Variants in RCAN1 observed in about 807,000 individuals in gnomAD.
The protein encoded by RCAN1 is calcipressin-1.
In RCAN1, 11 loss-of-function variants were observed where a neutral mutation model predicts 22.9. The observed-to-expected ratio is 0.48, with a 90% confidence interval of 0.30 to 0.79. The LOEUF is 0.79. Among genes scored for constraint, RCAN1 ranks in the 30% least tolerant of loss-of-function variants. RCAN1 has a pLI of 0.06. For synonymous variants in RCAN1, 136 were observed against 142.3 expected, an observed-to-expected ratio of 0.96 and a Z score of 0.32; for missense variants, 291 against 337.8, an observed-to-expected ratio of 0.86 and a Z score of 1.09.
chr21:34,576,609 T>A (rs1490512972), intron 1 of RCAN1, among the ~76,000 whole-genome samples: 3 of 152,142 alleles, frequency 2.0e-5, no homozygotes. Flanking sequence ...TTAGAAGAAA[T>A]AAGTCACAGG....
intron 1 of RCAN1, among the ~76,000 whole-genome samples, chr21:34,604,379 G>A (rs1351229608): frequency 3.3e-5 from 5 of 152,114 alleles, no homozygotes; most frequent in South Asian, 4.1e-4. Context: ...TGATCTGCCC[G>A]CCTCAGCCTC....
chr21:34,543,200 T>G (rs1195979784), intron 1 of RCAN1, among the ~76,000 whole-genome samples: 1 of 152,224 alleles, frequency 6.6e-6, no homozygotes, highest in African/African-American at 2.4e-5. Context: ...CTGGAGCTTG[T>G]AAATATGTTG....
chr21:34,553,920 C>T (rs1986461150), intron 1 of RCAN1, among the ~76,000 whole-genome samples: 2 of 152,216 alleles, frequency 1.3e-5, no homozygotes, highest in Admixed American at 1.3e-4. Context: ...TGTAAGACGG[C>T]ATGTCATTAC....
intron 1 of RCAN1, among the ~76,000 whole-genome samples, chr21:34,608,661 C>CA (rs1301817276): frequency 1.3e-5 from 2 of 152,246 alleles, no homozygotes; most frequent in Non-Finnish European, 2.9e-5. Flanking sequence ...TTCTGACCCA[C>CA]AGACACTGTG....
In RCAN1 at chr21:34,533,345, T is replaced by C. The variant is rs570527105; in HGVS notation, c.253-9635A>G. ...CCATTCTCACTCTGCCTGTTAGGTGTAACCTCATTTTTTTAAACCATTTTT... is the reference window on the plus strand; with the variant it reads ...CCATTCTCACTCTGCCTGTTAGGTGCAACCTCATTTTTTTAAACCATTTTT... On this transcript the variant is annotated intron_variant, in intron 1 of 3. Coordinates refer to ENST00000313806, the MANE Select transcript of RCAN1 (RefSeq NM_004414.7). Among the ~76,000 whole-genome samples, 7 of 152,348 alleles carry C rather than the reference T, an allele frequency of 4.6e-5. No individual in the cohort carries two copies. The East Asian group carries it at 1.3e-3, about 29-fold the overall frequency.
At chr21:34,563,786 T>TAGAGAGAGAG (rs1412162405) in intron 1 of RCAN1, among the ~76,000 whole-genome samples, 2 of 100,816 alleles carry the variant, frequency 2.0e-5, no homozygotes, top group African/African-American at 4.0e-5. Context: ...TATATATATA[T>TAGAGAGAGAG]ATATATATAG....
chr21:34,569,832 C>T (rs2186284), intron 1 of RCAN1, among the ~76,000 whole-genome samples: 113,660 of 152,216 alleles, frequency 0.75, 42,674 homozygotes, highest in East Asian at 0.92. Context: ...TAATCTCAAA[C>T]AATAAAGAAT....
intron 1 of RCAN1, among the ~76,000 whole-genome samples, chr21:34,597,949 T>C (rs1437480651): frequency 6.6e-6 from 1 of 152,166 alleles, no homozygotes; most frequent in Admixed American, 6.5e-5. Flanking sequence ...AAAATGTTCA[T>C]ATTGAAGAAT....
intron 1 of RCAN1, among the ~76,000 whole-genome samples, chr21:34,539,523 T>C (rs1217298855): frequency 1.3e-5 from 2 of 152,282 alleles, no homozygotes; most frequent in Non-Finnish European, 2.9e-5. Context: ...GATTCTAGCA[T>C]GAATTTCCAC....
rs146697082 is a variant in RCAN1, at chr21:34,546,593, A to G, written c.253-22883T>C. ...AAAACAATCGCTGTCGCTTAAAAGC[A>G]ACACCGTCTTAGCAGTTTAAAGACA... On this transcript the variant is annotated intron_variant, in intron 1 of 3. Coordinates refer to ENST00000313806, the MANE Select transcript of RCAN1 (RefSeq NM_004414.7). Among the ~76,000 whole-genome samples, 489 of 152,362 alleles carry G rather than the reference A, an allele frequency of 3.2e-3. 1 individual carries two copies. Among genetic ancestry groups the G allele is most frequent in the African/African-American group, 0.011 (441 of 41,578 alleles).
chr21:34,577,670 G>T (rs1987457453), intron 1 of RCAN1, among the ~76,000 whole-genome samples: 1 of 152,170 alleles, frequency 6.6e-6, no homozygotes, highest in African/African-American at 2.4e-5. Flanking sequence ...TGCCGGAGAG[G>T]AATCAGAATA....
intron 1 of RCAN1, among the ~76,000 whole-genome samples, chr21:34,612,806 G>T (rs1988717361): frequency 6.6e-6 from 1 of 152,206 alleles, no homozygotes. Flanking sequence ...GCTCATGGCT[G>T]CAGGCCTGGA....
intron 3 of RCAN1, chr21:34,521,220 G>A (rs1984498250): frequency 7.0e-7 from 1 of 1,419,142 alleles, no homozygotes. Flanking sequence ...GCTGTGCTCA[G>A]TGGACACAGG....
intron 1 of RCAN1, among the ~76,000 whole-genome samples, chr21:34,590,077 C>T (rs914911212): frequency 6.6e-6 from 1 of 152,244 alleles, no homozygotes; most frequent in African/African-American, 2.4e-5. Flanking sequence ...TGTGTTAGCA[C>T]ACCACAGTCT....
At chr21:34,598,863 GA>G (rs1399070620) in intron 1 of RCAN1, among the ~76,000 whole-genome samples, 4 of 152,132 alleles carry the variant, frequency 2.6e-5, no homozygotes, top group South Asian at 2.1e-4. Context: ...GTTTATAGAG[GA>G]AAAAAAGCAA....
intron 1 of RCAN1, among the ~76,000 whole-genome samples, chr21:34,558,347 T>C (rs1262005506): frequency 6.6e-6 from 1 of 152,168 alleles, no homozygotes; most frequent in Non-Finnish European, 1.5e-5. Flanking sequence ...GGACTTCCTC[T>C]AGGAAAGCAG....
At chr21:34,567,747 C>G (rs1375568200) in intron 1 of RCAN1, among the ~76,000 whole-genome samples, 1 of 152,098 alleles carries the variant, frequency 6.6e-6, no homozygotes, top group Non-Finnish European at 1.5e-5. Flanking sequence ...TAAGAAGTCC[C>G]TAGCAGCACG....
At chr21:34,553,314 C>T (rs1986438236) in intron 1 of RCAN1, among the ~76,000 whole-genome samples, 1 of 152,020 alleles carries the variant, frequency 6.6e-6, no homozygotes, top group African/African-American at 2.4e-5. Context: ...GGTGCTTTTG[C>T]TTCATTGGTG....
At chr21:34,588,899 C>T (rs971694921) in intron 1 of RCAN1, among the ~76,000 whole-genome samples, 4 of 152,136 alleles carry the variant, frequency 2.6e-5, no homozygotes, top group Non-Finnish European at 5.9e-5. Flanking sequence ...ACCTTCAGGA[C>T]ATTATGCTAA....
Sources: gnomAD v4.1 joint callset for allele counts (sites outside exome capture counted in the v4.1 genomes callset) on GRCh38, gnomAD v4.1.1 for gene constraint, MANE v1.5 for transcripts, NCBI Gene and HGNC (gene_info 2026-07-23, HGNC 2026-07-21) for gene names.